PTPRA: variants seen among roughly 807,000 people sequenced by gnomAD.
PTPRA encodes the protein receptor-type tyrosine-protein phosphatase alpha.
In PTPRA, 25 loss-of-function variants were observed where a neutral mutation model predicts 104.8. The observed-to-expected ratio is 0.24, with a 90% CI of 0.17 to 0.33. The LOEUF is 0.33. Among genes scored for constraint, PTPRA ranks in the 10% least tolerant of loss-of-function variants. The probability of loss-of-function intolerance (pLI) is 1.00; values close to 1 mark genes in which losing one functional copy is unlikely to be tolerated. For synonymous variants in PTPRA, 323 were observed against 368.9 expected (o/e 0.88, Z 1.43); for missense variants, 765 against 1,015.3 (o/e 0.75, Z 3.35).
rs1253599657 is a variant in PTPRA, at chr20:2,974,775, T to G, written c.416-440T>G. ...ATTGGGACAAAAGAATATTGTACTC[T>G]TTCTACTGTTGGGGTTTATAAGGGC... is the stretch of plus-strand genomic sequence containing the variant. On this transcript the variant is annotated intron_variant, in intron 5 of 23. Coordinates refer to ENST00000399903, the MANE Select transcript of PTPRA (RefSeq NM_001385305.1). Among the ~76,000 whole-genome samples, 3 of 152,240 alleles carry G rather than the reference T, an allele frequency of 2.0e-5. No homozygotes were observed. The East Asian group carries it at 5.8e-4, about 29-fold the overall frequency.
chr20:3,019,963 ACTC>A (rs1224363526), intron 13 of PTPRA, among the ~76,000 whole-genome samples: 15 of 150,366 alleles, frequency 1.0e-4, no homozygotes, highest in African/African-American at 3.6e-4. Flanking sequence ...AATCGCAGGC[ACTC>A]GGCAGGCTGA....
chr20:2,988,901 G>C (rs543451858), intron 9 of PTPRA, among the ~76,000 whole-genome samples: 1 of 152,312 alleles, frequency 6.6e-6, no homozygotes, highest in African/African-American at 2.4e-5. Context: ...TGAAGGACTG[G>C]TGCATATTTG....
chr20:2,901,152 G>T (rs759833903), intron 1 of PTPRA, among the ~76,000 whole-genome samples: 1 of 151,928 alleles, frequency 6.6e-6, no homozygotes, highest in Non-Finnish European at 1.5e-5. Flanking sequence ...TGTATTTTTG[G>T]TAGAGACAGG....
At position 3,032,186 on chromosome 20, in the gene PTPRA, T is replaced by C. The variant is rs148525051; in HGVS notation, c.1921-3399T>C. The stretch of plus-strand genomic sequence containing the variant: ...CAAACAACCAGCCTCTTCAAATCTG[T>C]ACCAACTCTATTCTCTCTTGTTACA... On this transcript the variant is annotated intron_variant, in intron 20 of 23. Coordinates refer to ENST00000399903, the MANE Select transcript of PTPRA (RefSeq NM_001385305.1). Among the ~76,000 whole-genome samples the C allele has an allele frequency of 2.0e-5, 3 of 152,320 alleles. No homozygotes were observed. The East Asian group carries it at 5.8e-4, about 29-fold the overall frequency.
intron 20 of PTPRA, among the ~76,000 whole-genome samples, chr20:3,030,527 T>C (rs1321657315): frequency 6.6e-6 from 1 of 152,060 alleles, no homozygotes; most frequent in African/African-American, 2.4e-5. Flanking sequence ...AATGATGCAA[T>C]GAAAGGTGCC....
chr20:2,974,355 A>G (rs1172565221), intron 5 of PTPRA, among the ~76,000 whole-genome samples: 2 of 151,844 alleles, frequency 1.3e-5, no homozygotes, highest in African/African-American at 2.4e-5. Flanking sequence ...GGTTTAAGCA[A>G]TTCTTGTGCC....
chr20:3,038,000 T>G lies in PTPRA; in HGVS notation c.2335-59T>G. The G allele has an allele frequency of 7.2e-7, 1 of 1,396,782 alleles. No individual in the cohort carries two copies. Among genetic ancestry groups the G allele is most frequent in the African/African-American group, 1.4e-5 (1 of 69,826 alleles). The allele number at this position is 1,396,782 out of a possible 1,614,324, so 86.5% of individuals were successfully genotyped here. A position where few individuals can be genotyped will look rare whatever the true frequency, so the allele number is the denominator to read the frequency against. ...AACAAAAAAATGAGTCTGTTAGGAA[T>G]TACAGGTACTGTGTGTTCTTCAGTA... is the stretch of plus-strand genomic sequence containing the variant. On this transcript the variant is annotated intron_variant, in intron 23 of 23. Coordinates refer to ENST00000399903, the MANE Select transcript of PTPRA (RefSeq NM_001385305.1). This position sits in a 1 kb window ranked among gnomAD's most constrained non-coding sequence, Gnocchi z 4.3.
At chr20:2,944,625 A>G (rs1279203346) in intron 2 of PTPRA, among the ~76,000 whole-genome samples, 1 of 152,226 alleles carries the variant, frequency 6.6e-6, no homozygotes, top group Non-Finnish European at 1.5e-5. Context: ...CTCAAATTAA[A>G]GGAATGGAGA....
chr20:2,993,862 T>C (rs867674579), intron 9 of PTPRA, among the ~76,000 whole-genome samples: 4 of 152,174 alleles, frequency 2.6e-5, no homozygotes, highest in Middle Eastern at 3.2e-3. Context: ...TCTAGCCAAC[T>C]TCACAGAGCC....
intron 7 of PTPRA, among the ~76,000 whole-genome samples, chr20:2,987,604 CT>C (rs2062961738): frequency 6.6e-6 from 1 of 152,214 alleles, no homozygotes; most frequent in South Asian, 2.1e-4. Flanking sequence ...CTGCAGGAGA[CT>C]TGTGGCCAGG....
chr20:2,981,617 T>C (rs1170313117), intron 6 of PTPRA, among the ~76,000 whole-genome samples: 1 of 152,168 alleles, frequency 6.6e-6, no homozygotes, highest in Non-Finnish European at 1.5e-5. Flanking sequence ...CCCTTACCAG[T>C]CTCTGTGACA....
intron 16 of PTPRA, among the ~76,000 whole-genome samples, chr20:3,023,320 TGGGAA>T (rs1190694104): frequency 6.6e-6 from 1 of 152,058 alleles, no homozygotes; most frequent in Non-Finnish European, 1.5e-5. Context: ...TATGCCCTCG[TGGGAA>T]GGGAAGGGTC....
In PTPRA at chr20:2,964,243, C is replaced by T. The variant is rs1384418311; in HGVS notation, c.-6-29C>T. On this transcript the variant is annotated intron_variant, in intron 3 of 23. Coordinates refer to ENST00000399903, the MANE Select transcript of PTPRA (RefSeq NM_001385305.1). ...AGACATAGTCCTGATAATATAGGAC[C>T]TCATCTAACATGACTCCCTATTTTC... 10 of 1,536,544 alleles carry T rather than the reference C, an allele frequency of 6.5e-6. No individual in the cohort carries two copies. The African/African-American group carries it at 8.2e-5, about 13-fold the overall frequency.
intron 2 of PTPRA, among the ~76,000 whole-genome samples, chr20:2,938,905 T>C (rs1008348191): frequency 6.6e-5 from 10 of 152,234 alleles, no homozygotes; most frequent in African/African-American, 2.4e-4. Context: ...GATTGCCTTT[T>C]TTCATTCAAG....
At chr20:2,901,410 G>T (rs2059232651) in intron 1 of PTPRA, among the ~76,000 whole-genome samples, 1 of 152,110 alleles carries the variant, frequency 6.6e-6, no homozygotes, top group South Asian at 2.1e-4. Context: ...TGTATTTTTA[G>T]TTCCTTTGAA....
At chr20:2,961,790 A>C (rs970963867) in intron 3 of PTPRA, among the ~76,000 whole-genome samples, 6 of 152,214 alleles carry the variant, frequency 3.9e-5, no homozygotes, top group African/African-American at 1.4e-4. Flanking sequence ...AATTTTTGTG[A>C]AAGATAATAA....
rs560275902 is a variant in PTPRA at position 3,028,856 on chromosome 20, A to G, written c.1920+1015A>G. Among the ~76,000 whole-genome samples the G allele has an allele frequency of 3.9e-5, 6 of 152,266 alleles. No individual in the cohort carries two copies. The East Asian group carries it at 1.2e-3, about 29-fold the overall frequency. On this transcript the variant is annotated intron_variant, in intron 20 of 23. Transcript: ENST00000399903. ...GGCAGCAGTGAGAAGGACTCATTAG[A>G]AATGCGAAAGCTGTGGCAGTAATGC...
chr20:2,986,331 G>A (rs1229568425), intron 6 of PTPRA, among the ~76,000 whole-genome samples: 2 of 152,190 alleles, frequency 1.3e-5, no homozygotes, highest in African/African-American at 4.8e-5. Context: ...TTGAGGCTGA[G>A]AGAGTGTACA....
At chr20:2,996,999 G>A (rs948438215) in intron 9 of PTPRA, among the ~76,000 whole-genome samples, 2 of 152,104 alleles carry the variant, frequency 1.3e-5, no homozygotes, top group African/African-American at 4.8e-5. Context: ...ATTTATAATA[G>A]CAAAGAAGAT....
Sources: gnomAD v4.1 joint callset for allele counts (sites outside exome capture counted in the v4.1 genomes callset) on GRCh38, gnomAD v4.1.1 for gene constraint, Gnocchi (gnomAD v3.1) non-coding constraint, MANE v1.5 for transcripts, NCBI Gene and HGNC (gene_info 2026-07-23, HGNC 2026-07-21) for gene names.